PREX1: variants seen among roughly 807,000 people sequenced by gnomAD.
The protein encoded by PREX1 is phosphatidylinositol 3,4,5-trisphosphate-dependent Rac exchanger 1 protein.
A neutral mutation model predicts 198.3 loss-of-function variants in PREX1; 41 were observed. The ratio of observed to expected loss-of-function variants is 0.21; its 90% confidence interval spans 0.16 to 0.27. The LOEUF is 0.27. PREX1 is among the 10% of genes least tolerant of loss of function. The pLI is 1.00. For synonymous variants in PREX1, 843 were observed against 887.2 expected (o/e 0.95, Z 0.89); for missense variants, 1,620 against 2,200.7 (o/e 0.74, Z 5.28).
chr20:48,635,072 TAACACACTCA>T (rs761682744), intron 32 of PREX1, among the ~76,000 whole-genome samples: 3 of 152,200 alleles, frequency 2.0e-5, no homozygotes, highest in Non-Finnish European at 4.4e-5. Context: ...TTTTTGAGCC[TAACACACTCA>T]AATAAAAGTC....
chr20:48,632,747 G>GAGGTCCCA, intron 33 of PREX1, 108 bp from the exon 34 acceptor site: 1 of 1,248,176 alleles, frequency 8.0e-7, no homozygotes, highest in Non-Finnish European at 1.1e-6. Flanking sequence ...CAGGTCCAGG[G>GAGGTCCCA]GGGCACCCTG....
intron 33 of PREX1, among the ~76,000 whole-genome samples, chr20:48,633,758 C>A (rs886269135): frequency 1.3e-5 from 2 of 152,320 alleles, no homozygotes; most frequent in South Asian, 2.1e-4. Context: ...CAGACCCCAC[C>A]CCACAAACCG....
In PREX1 at chr20:48,651,512, C is replaced by T; in HGVS notation, c.2539G>A (p.Asp847Asn). 6.2e-7 allele frequency: 1 copy of T among 1,614,234 alleles called. No individual in the cohort carries two copies. The highest frequency in any genetic ancestry group is 8.5e-7 in the Non-Finnish European group (1 of 1,180,040). Residue 847 changes from aspartate (D) to asparagine (N), a missense_variant, in exon 22 of 40, where the codon GAC becomes AAC. Asp to Asn is a conservative substitution (Grantham distance 23, BLOSUM62 1). Around this residue, in one of 7 missense-constraint regions of PREX1, gnomAD observed 514 missense variants for 611.6 expected, o/e 0.84. Transcript: ENST00000371941. ...ACGCCGTGTTCCAGGTGCACGTTGT[C>T]CACAGTCAGGGTGACCATGGGGCTG... is the stretch of plus-strand genomic sequence containing the variant. ...EDSPMVTLTV[D>N]NVHLEHGVVY...
At chr20:48,664,963 G>A (rs1412034285) in intron 15 of PREX1, among the ~76,000 whole-genome samples, 3 of 143,006 alleles carry the variant, frequency 2.1e-5, no homozygotes, top group African/African-American at 7.9e-5. Flanking sequence ...CCTGACTCCA[G>A]ACGGCCTGAA....
At chr20:48,762,486 G>A (rs980236830) in intron 1 of PREX1, among the ~76,000 whole-genome samples, 1 of 152,166 alleles carries the variant, frequency 6.6e-6, no homozygotes, top group East Asian at 1.9e-4. Flanking sequence ...CATTGCCCAT[G>A]TCCCCTGGAG....
At chr20:48,799,448 G>A (rs1056131944) in intron 1 of PREX1, among the ~76,000 whole-genome samples, 2 of 152,172 alleles carry the variant, frequency 1.3e-5, no homozygotes, top group East Asian at 1.9e-4. Flanking sequence ...ATCCTAAAAC[G>A]AAGAGCAACT....
At chr20:48,862,791 ATATATATAT>A in the PREX1 span, among the ~76,000 whole-genome samples, 2 of 33,920 alleles carry the variant, frequency 5.9e-5, no homozygotes, top group Admixed American at 2.5e-4. Context: ...AAAAAAAAAA[ATATATATAT>A]ATATATATAT....
In PREX1 at chr20:48,649,523, G is replaced by A. The variant is rs1296238246; in HGVS notation, c.3082C>T (p.Pro1028Ser). 1 of 1,613,104 alleles carries A rather than the reference G, an allele frequency of 6.2e-7. No individual in the cohort carries two copies. ...TQHCITTMAA[P>S]SWKCLPAAEG... ...GCAGCAGGCAAGCACTTCCAGGAGGGAGCAGCCATGGTGGTGATGCAGTGC... is the reference window on the plus strand; with the variant it reads ...GCAGCAGGCAAGCACTTCCAGGAGGAAGCAGCCATGGTGGTGATGCAGTGC... The change falls in exon 25 of 40, where the codon CCC becomes TCC. Residue 1028 changes from proline to serine, a missense_variant. This residue lies in a region of PREX1 where 514 missense variants were observed against 611.6 expected (regional missense o/e 0.84). Coordinates refer to ENST00000371941, the MANE Select transcript of PREX1 (RefSeq NM_020820.4).
At chr20:48,630,930 G>T in intron 35 of PREX1, 136 bp from the exon 36 acceptor site, 1 of 678,570 alleles carries the variant, frequency 1.5e-6, no homozygotes, top group Non-Finnish European at 2.6e-6. Flanking sequence ...GAGAGCGCCT[G>T]CAGGCTGTGC....
intron 1 of PREX1, among the ~76,000 whole-genome samples, chr20:48,786,089 G>A (rs1299554102): frequency 6.6e-6 from 1 of 152,132 alleles, no homozygotes; most frequent in African/African-American, 2.4e-5. Flanking sequence ...GAGCATCTGA[G>A]GAGCAGCCAG....
the PREX1 span, among the ~76,000 whole-genome samples, chr20:48,840,585 G>A: frequency 6.6e-6 from 1 of 152,316 alleles, no homozygotes; most frequent in Non-Finnish European, 1.5e-5. Context: ...GTGGGGCAGT[G>A]ACAGCAGAGA....
intron 35 of PREX1, among the ~76,000 whole-genome samples, chr20:48,631,993 C>T (rs1457548363): frequency 6.6e-6 from 1 of 152,230 alleles, no homozygotes; most frequent in Non-Finnish European, 1.5e-5. Context: ...ACTTTGAAAC[C>T]AAACAGACCC....
At chr20:48,876,091 T>C in the PREX1 span, among the ~76,000 whole-genome samples, 10 of 152,260 alleles carry the variant, frequency 6.6e-5, no homozygotes, top group East Asian at 1.5e-3. Flanking sequence ...GAGTGAGTCA[T>C]TGGGGCCCTT....
intron 1 of PREX1, among the ~76,000 whole-genome samples, chr20:48,797,569 T>G (rs974415282): frequency 3.3e-5 from 5 of 151,892 alleles, no homozygotes; most frequent in Non-Finnish European, 7.4e-5. Context: ...CAGCGCTGTC[T>G]CTGTTCACTG....
chr20:48,774,869 G>A (rs768208188), intron 1 of PREX1, among the ~76,000 whole-genome samples: 7 of 152,264 alleles, frequency 4.6e-5, no homozygotes, highest in Non-Finnish European at 8.8e-5. Context: ...CCATGGAAAC[G>A]CACAGCCTCA....
intron 4 of PREX1, among the ~76,000 whole-genome samples, chr20:48,729,162 T>C (rs1317569751): frequency 6.6e-6 from 1 of 152,038 alleles, no homozygotes; most frequent in Non-Finnish European, 1.5e-5. Flanking sequence ...CTGCAACCTC[T>C]GCCTCCTAGG....
intron 6 of PREX1, among the ~76,000 whole-genome samples, chr20:48,702,676 G>A (rs1319445010): frequency 6.6e-6 from 1 of 152,234 alleles, no homozygotes; most frequent in Admixed American, 6.5e-5. Context: ...CAAGGAGCTG[G>A]AGGGAACCTG....
chr20:48,883,305 T>C, the PREX1 span, among the ~76,000 whole-genome samples: 1 of 151,992 alleles, frequency 6.6e-6, no homozygotes, highest in South Asian at 2.1e-4. Context: ...ACATCATACT[T>C]GATGGTGAAT....
rs573854337 is a variant in PREX1, at chr20:48,676,940, C to T, written c.1590-672G>A. Reference sequence around the variant, plus strand: ...CACGGTTCTTTCCTGAGGTAACTGCCCTGGCCTGTGACAGCATCTGAATCC... The same window carrying T: ...CACGGTTCTTTCCTGAGGTAACTGCTCTGGCCTGTGACAGCATCTGAATCC... On this transcript the variant is annotated intron_variant, in intron 13 of 39. Coordinates refer to ENST00000371941, the MANE Select transcript of PREX1 (RefSeq NM_020820.4). Among the ~76,000 whole-genome samples the T allele has an allele frequency of 7.5e-4, 114 of 152,318 alleles. 1 individual carries two copies. Among genetic ancestry groups the T allele is most frequent in the Admixed American group, 2.4e-3 (36 of 15,304 alleles).
Sources: allele counts gnomAD v4.1 joint callset (sites outside exome capture counted in the v4.1 genomes callset), GRCh38; gene constraint gnomAD v4.1.1; regional missense constraint gnomAD v4.1.1; transcripts MANE v1.5; gene names NCBI Gene and HGNC (gene_info 2026-07-23, HGNC 2026-07-21).